CERT1: variants seen among roughly 807,000 people sequenced by gnomAD.
CERT1 encodes ceramide transfer protein.
Under a neutral mutation model 87.9 loss-of-function variants are expected in CERT1, and 31 were observed. That is an observed-to-expected ratio of 0.35 (90% confidence interval 0.27 to 0.48). CERT1 has a LOEUF of 0.48. Ranked by LOEUF, CERT1 falls within the 20% of genes least tolerant of loss-of-function variation. CERT1 has a pLI of 0.99. For synonymous variants in CERT1, 289 were observed against 250.9 expected, an observed-to-expected ratio of 1.15 and a Z score of -1.44; for missense variants, 487 against 758.0, an observed-to-expected ratio of 0.64 and a Z score of 4.20.
Position 75,417,233 on chromosome 5 carries a change from A to G in CERT1, c.680-200T>C, listed in dbSNP as rs186291210. Among the ~76,000 whole-genome samples, 242 of 152,290 alleles carry G rather than the reference A, an allele frequency of 1.6e-3. 1 individual carries two copies. The highest frequency in any genetic ancestry group is 5.2e-3 in the African/African-American group (216 of 41,558). ...CTTCGTGGCAGCATATGTACTTTCA[A>G]GTCCTTTTTTTCTAGATTCTGTTTC... is the stretch of plus-strand genomic sequence containing the variant. On this transcript the variant is annotated intron_variant, in intron 6 of 16. Coordinates refer to ENST00000643780, the MANE Select transcript of CERT1 (RefSeq NM_001379029.1).
intron 2 of CERT1, among the ~76,000 whole-genome samples, chr5:75,475,265 T>C (rs1460033426): frequency 6.6e-6 from 1 of 152,174 alleles, no homozygotes; most frequent in Admixed American, 6.5e-5. Flanking sequence ...GTAAATGTGC[T>C]CCTTGTAAGA....
intron 1 of CERT1, among the ~76,000 whole-genome samples, chr5:75,506,801 T>C (rs913585747): frequency 6.6e-6 from 1 of 152,182 alleles, no homozygotes; most frequent in Non-Finnish European, 1.5e-5. Context: ...AAAATAAAAT[T>C]GCTTTTCAAA....
At chr5:75,447,445 A>AATTAATTT (rs1764592009) in intron 3 of CERT1, among the ~76,000 whole-genome samples, 1 of 148,924 alleles carries the variant, frequency 6.7e-6, no homozygotes, top group Non-Finnish European at 1.5e-5. Flanking sequence ...TTTTAAAAAA[A>AATTAATTT]ATTTATTTAT....
chr5:75,481,826 A>G (rs538987483), intron 2 of CERT1, among the ~76,000 whole-genome samples: 8 of 152,230 alleles, frequency 5.3e-5, no homozygotes, highest in South Asian at 2.1e-4. Context: ...GACACTGACA[A>G]TATTACTGTG....
At chr5:75,407,882 G>GT (rs1186711161) in intron 8 of CERT1, among the ~76,000 whole-genome samples, 34 of 82,948 alleles carry the variant, frequency 4.1e-4, no homozygotes, top group East Asian at 1.5e-3. Flanking sequence ...TGGCACAATT[G>GT]TTTTTTTTTT....
upstream of CERT1, chr5:75,511,738 G>C: frequency 6.5e-7 from 1 of 1,550,248 alleles, no homozygotes; most frequent in Non-Finnish European, 8.7e-7. Flanking sequence ...GAGCCTTCGG[G>C]ATCCTCCTCC....
chr5:75,507,307 C>T (rs188071736), intron 1 of CERT1, among the ~76,000 whole-genome samples: 89 of 152,124 alleles, frequency 5.9e-4, no homozygotes, highest in African/African-American at 1.5e-3. Context: ...AATGAGGTTT[C>T]GCTATGGTGC....
chr5:75,409,879 C>G (rs1254442174), intron 8 of CERT1, among the ~76,000 whole-genome samples: 1 of 151,588 alleles, frequency 6.6e-6, no homozygotes, highest in African/African-American at 2.4e-5. Flanking sequence ...GTCACCCAGC[C>G]TGGAGTGGAG....
chr5:75,417,860 T>C (rs1763206955), intron 6 of CERT1, among the ~76,000 whole-genome samples: 1 of 152,186 alleles, frequency 6.6e-6, no homozygotes, highest in African/African-American at 2.4e-5. Context: ...TCAAAGCTCA[T>C]TAATAATAAA....
At chr5:75,384,959 G>A (rs1440731406) in intron 13 of CERT1, among the ~76,000 whole-genome samples, 2 of 152,152 alleles carry the variant, frequency 1.3e-5, no homozygotes, top group African/African-American at 2.4e-5. Context: ...CAGCAAGAAA[G>A]CAATTCTAAT....
At chr5:75,441,161 A>G (rs190684232) in intron 3 of CERT1, among the ~76,000 whole-genome samples, 6 of 152,300 alleles carry the variant, frequency 3.9e-5, no homozygotes, top group Non-Finnish European at 7.4e-5. Flanking sequence ...TTATAATACC[A>G]TATTTTTATT....
intron 7 of CERT1, among the ~76,000 whole-genome samples, chr5:75,413,969 A>G (rs1193402695): frequency 6.6e-6 from 1 of 152,210 alleles, no homozygotes. Context: ...TAGCCAAAAA[A>G]TGAAAAAAAT....
chr5:75,377,263 GT>G (rs539130610), downstream of CERT1: 1 of 152,188 alleles, frequency 6.6e-6, no homozygotes, highest in Non-Finnish European at 1.5e-5. Flanking sequence ...ATGAAAAACT[GT>G]GGGACACAGG....
At chr5:75,460,461 T>C (rs868187224) in intron 2 of CERT1, among the ~76,000 whole-genome samples, 26 of 152,250 alleles carry the variant, frequency 1.7e-4, no homozygotes, top group African/African-American at 6.0e-4. Context: ...AACTTTTTGA[T>C]TCAGTGCTCT....
intron 3 of CERT1, among the ~76,000 whole-genome samples, chr5:75,454,755 G>C (rs1319397348): frequency 6.6e-6 from 1 of 152,164 alleles, no homozygotes; most frequent in African/African-American, 2.4e-5. Context: ...CAGTTGTTTG[G>C]GATTTGAAGC....
downstream of CERT1, chr5:75,375,820 C>T (rs1200743146): frequency 6.7e-6 from 1 of 149,140 alleles, no homozygotes; most frequent in Non-Finnish European, 1.5e-5. Flanking sequence ...CTGGGTTCGA[C>T]TTCATACATT....
chr5:75,430,588 A>C (rs1038156885), intron 3 of CERT1, among the ~76,000 whole-genome samples: 4 of 152,220 alleles, frequency 2.6e-5, no homozygotes, highest in African/African-American at 9.7e-5. Context: ...CATCTGTCAA[A>C]ACTGAAACTG....
chr5:75,393,571 G>GTC (rs1465129888), intron 11 of CERT1, among the ~76,000 whole-genome samples: 4 of 104,038 alleles, frequency 3.8e-5, no homozygotes, highest in Non-Finnish European at 3.7e-5. Context: ...TTGAGGTTAA[G>GTC]TCTCGGCAAC....
chr5:75,503,098 T>C (rs992523028), intron 2 of CERT1, among the ~76,000 whole-genome samples: 1 of 152,050 alleles, frequency 6.6e-6, no homozygotes, highest in Non-Finnish European at 1.5e-5. Flanking sequence ...ATCACACAGA[T>C]AAAGAATATT....
Sources: gnomAD v4.1 joint callset for allele counts (sites outside exome capture counted in the v4.1 genomes callset) on GRCh38, gnomAD v4.1.1 for gene constraint, MANE v1.5 for transcripts, NCBI Gene and HGNC (gene_info 2026-07-23, HGNC 2026-07-21) for gene names.